Variants in ST7 observed in about 807,000 individuals in gnomAD.
The protein encoded by ST7 is suppression of tumorigenicity 7.
In ST7, 28 loss-of-function variants were observed where a neutral mutation model predicts 78.7. The observed-to-expected ratio is 0.36, with a 90% CI of 0.26 to 0.49. The LOEUF is 0.49. Ranked by LOEUF, ST7 falls within the 20% of genes least tolerant of loss-of-function variation. ST7 has a pLI of 0.99. For missense variants in ST7, 418 were observed against 696.0 expected (o/e 0.60, Z 4.49); for synonymous variants, 247 against 249.6 (o/e 0.99, Z 0.10).
At chr7:117,121,039 A>T (rs1253392968) in intron 3 of ST7, among the ~76,000 whole-genome samples, 1 of 152,208 alleles carries the variant, frequency 6.6e-6, no homozygotes, top group Non-Finnish European at 1.5e-5. Flanking sequence ...ATGATCTCTA[A>T]TGAGGATGGT....
rs76410005 is a variant in ST7, at chr7:116,962,962, A to G, written c.151+9271A>G. ...GACTTGGTCCCTTGACTAGAATGCA[A>G]TCTTCATATGAGACTGTAAAATGAA... On this transcript the variant is annotated intron_variant, in intron 1 of 15. Coordinates refer to ENST00000323984, the MANE Select transcript of ST7 (RefSeq NM_001369598.1). Among the ~76,000 whole-genome samples, 361 of 152,320 alleles carry G rather than the reference A, an allele frequency of 2.4e-3. 1 individual carries two copies. The highest frequency in any genetic ancestry group is 3.0e-3 in the Non-Finnish European group (205 of 68,034).
intron 1 of ST7, among the ~76,000 whole-genome samples, chr7:117,060,570 T>A (rs1019197419): frequency 6.6e-6 from 1 of 152,186 alleles, no homozygotes; most frequent in Non-Finnish European, 1.5e-5. Flanking sequence ...ATAATAAAAT[T>A]GTGTGAAAGC....
intron 1 of ST7, among the ~76,000 whole-genome samples, chr7:116,971,630 C>A (rs1443135140): frequency 2.6e-5 from 4 of 152,206 alleles, no homozygotes; most frequent in African/African-American, 9.7e-5. Flanking sequence ...CTCCTGGAAT[C>A]ACCTTTCTGG....
chr7:117,150,550 A>G (rs1806164451), intron 9 of ST7, among the ~76,000 whole-genome samples: 1 of 151,902 alleles, frequency 6.6e-6, no homozygotes, highest in Admixed American at 6.6e-5. Flanking sequence ...CTGCCTCTCC[A>G]TCTGCTCCTT....
chr7:116,992,262 C>G (rs1250372527), intron 1 of ST7, among the ~76,000 whole-genome samples: 1 of 152,230 alleles, frequency 6.6e-6, no homozygotes, highest in Non-Finnish European at 1.5e-5. Context: ...CCCTTCTGCA[C>G]TGCCCTAGCA....
At chr7:117,088,271 C>T (rs893538674) in intron 1 of ST7, among the ~76,000 whole-genome samples, 4 of 152,066 alleles carry the variant, frequency 2.6e-5, no homozygotes, top group Non-Finnish European at 5.9e-5. Context: ...GTTTCATATT[C>T]TGTGTTATTT....
Position 116,988,565 on chromosome 7 carries a change from GATC to G in ST7, c.151+34876_151+34878del, listed in dbSNP as rs1380119620. On this transcript the variant is annotated intron_variant, in intron 1 of 15. Coordinates refer to ENST00000323984, the MANE Select transcript of ST7 (RefSeq NM_001369598.1). Reference sequence around the variant, plus strand: ...GACCAGTGTATTTTAATAATATTATGATCACTAGAGGGCACTCTTTAAAAGATA... The same window carrying G: ...GACCAGTGTATTTTAATAATATTATGACTAGAGGGCACTCTTTAAAAGATA... 4.6e-5 allele frequency among the ~76,000 whole-genome samples: 7 copies of G among 152,024 alleles called. No homozygotes were observed. In the East Asian group the frequency reaches 1.3e-3, roughly 29 times the overall value.
At chr7:117,007,284 T>G (rs1795196540) in intron 1 of ST7, among the ~76,000 whole-genome samples, 1 of 152,214 alleles carries the variant, frequency 6.6e-6, no homozygotes, top group Non-Finnish European at 1.5e-5. Flanking sequence ...ACAGCTTTAT[T>G]GCTTATATGG....
chr7:117,092,809 T>A (rs1800733417), intron 1 of ST7, among the ~76,000 whole-genome samples: 1 of 152,204 alleles, frequency 6.6e-6, no homozygotes, highest in Non-Finnish European at 1.5e-5. Context: ...GAAATGTTGC[T>A]TTGCATGAAA....
At chr7:117,216,344 CCTAA>C (rs1238809120) in intron 13 of ST7, among the ~76,000 whole-genome samples, 1 of 152,004 alleles carries the variant, frequency 6.6e-6, no homozygotes, top group African/African-American at 2.4e-5. Flanking sequence ...CTCTGAGTGG[CCTAA>C]CTTTTTTGTT....
intron 9 of ST7, among the ~76,000 whole-genome samples, chr7:117,165,575 T>C (rs540585673): frequency 2.6e-5 from 4 of 152,222 alleles, no homozygotes; most frequent in African/African-American, 9.6e-5. Context: ...ATTCCAGTCA[T>C]GAAGTGTGTG....
At chr7:117,007,685 T>C (rs1182673600) in intron 1 of ST7, among the ~76,000 whole-genome samples, 1 of 152,196 alleles carries the variant, frequency 6.6e-6, no homozygotes, top group African/African-American at 2.4e-5. Context: ...AATGCCTGGC[T>C]TCAAAGCTTC....
intron 1 of ST7, among the ~76,000 whole-genome samples, chr7:117,006,366 T>TCTA (rs1446306301): frequency 1.3e-5 from 2 of 152,222 alleles, no homozygotes; most frequent in African/African-American, 2.4e-5. Flanking sequence ...TTCTGAATGG[T>TCTA]TTGTACCCTT....
intron 1 of ST7, chr7:116,972,057 C>T (rs1793455034): frequency 1.0e-5 from 5 of 478,246 alleles, no homozygotes; most frequent in Non-Finnish European, 2.0e-5. Context: ...CGGAAAGCAG[C>T]CTTCCAGTTA....
chr7:117,021,317 C>T (rs1031079017), intron 1 of ST7, among the ~76,000 whole-genome samples: 41 of 152,172 alleles, frequency 2.7e-4, no homozygotes, highest in Non-Finnish European at 4.7e-4. Context: ...TTAAAAATTA[C>T]AACCAAACTA....
chr7:117,161,591 C>CTTTTTT (rs60505994), intron 9 of ST7, among the ~76,000 whole-genome samples: 1,430 of 113,052 alleles, frequency 0.013, 4 homozygotes, highest in Non-Finnish European at 0.017. Flanking sequence ...TTCTTTCTTT[C>CTTTTTT]TTTTTTTTTT....
At chr7:117,078,640 T>C (rs765915058) in intron 1 of ST7, among the ~76,000 whole-genome samples, 2 of 152,242 alleles carry the variant, frequency 1.3e-5, no homozygotes, top group Admixed American at 6.5e-5. Flanking sequence ...ATAGATGCTT[T>C]GCATCAGGGT....
chr7:116,956,525 C>G (rs1446051044), intron 1 of ST7: 1 of 471,188 alleles, frequency 2.1e-6, no homozygotes, highest in African/African-American at 2.0e-5. Flanking sequence ...GCAGGCCTCC[C>G]TTCCTCCTCA....
chr7:117,165,447 G>C (rs928735772), intron 9 of ST7, among the ~76,000 whole-genome samples: 3 of 151,678 alleles, frequency 2.0e-5, no homozygotes, highest in African/African-American at 7.3e-5. Flanking sequence ...GATTATAAAT[G>C]ATAAAGGACA....
Sources: gnomAD v4.1 joint callset for allele counts (sites outside exome capture counted in the v4.1 genomes callset) on GRCh38, gnomAD v4.1.1 for gene constraint, MANE v1.5 for transcripts, NCBI Gene and HGNC (gene_info 2026-07-23, HGNC 2026-07-21) for gene names.